ARFGEF3: variants seen among roughly 807,000 people sequenced by gnomAD.
ARFGEF3 encodes the protein ARFGEF family member 3.
Under a neutral mutation model 221.7 loss-of-function variants are expected in ARFGEF3, and 96 were observed. The observed-to-expected ratio is 0.43, with a 90% CI of 0.37 to 0.51. The LOEUF (loss-of-function observed/expected upper bound fraction) is 0.51. Ranked by LOEUF, ARFGEF3 falls within the 20% of genes least tolerant of loss-of-function variation. The pLI is 0.00. For missense variants in ARFGEF3, 2,410 were observed against 2,789.9 expected, an observed-to-expected ratio of 0.86 and a Z score of 3.07; for synonymous variants, 1,145 against 1,126.8, an observed-to-expected ratio of 1.02 and a Z score of -0.32.
chr6:138,229,714 A>G (rs1778154250), intron 4 of ARFGEF3, 70 bp from the exon 5 acceptor site: 2 of 1,194,130 alleles, frequency 1.7e-6, no homozygotes, highest in Non-Finnish European at 2.5e-6. Flanking sequence ...CACAAATGGC[A>G]TATGAAACAA....
Position 138,338,123 on chromosome 6 carries a change from A to T in ARFGEF3, c.*1637A>T, listed in dbSNP as rs1175620397. ...GAATCCATTTTTTTCCCAGTTCCAC[A>T]AAACACTCTGTTTGCCTTCAGTTTT... On this transcript the variant is annotated 3_prime_UTR_variant, in exon 34 of 34. Transcript: ENST00000251691. The T allele has an allele frequency of 1.3e-5, 2 of 152,254 alleles. No individual in the cohort carries two copies. Among genetic ancestry groups the T allele is most frequent in the Admixed American group, 1.3e-4 (2 of 15,290 alleles). 9.4% of individuals were successfully genotyped at this position (152,254 alleles called of 1,614,324 possible).
At chr6:138,243,365 T>C (rs1778428663) in intron 7 of ARFGEF3, among the ~76,000 whole-genome samples, 1 of 152,180 alleles carries the variant, frequency 6.6e-6, no homozygotes, top group African/African-American at 2.4e-5. Context: ...TACAGTGTTA[T>C]TGCACCAGAA....
chr6:138,238,587 C>A lies in ARFGEF3; in HGVS notation c.499C>A (p.Leu167Met). The change falls in exon 6 of 34, where the codon CTG (leucine) becomes ATG (methionine). Residue 167 changes from leucine to methionine, a missense_variant. Transcript: ENST00000251691. ...TAVRATLSQM[L>M]SDLTLQLRQR... is the part of the protein sequence containing the mutation. ...TGTGCGGGCAACTCTCAGTCAAATGCTGAGTGACTTGACTTTACAGTTACG... is the reference window on the plus strand; with the variant it reads ...TGTGCGGGCAACTCTCAGTCAAATGATGAGTGACTTGACTTTACAGTTACG... The A allele has an allele frequency of 1.9e-6, 3 of 1,613,726 alleles. No homozygotes were observed. The highest frequency in any genetic ancestry group is 2.5e-6 in the Non-Finnish European group (3 of 1,179,678).
chr6:138,180,989 A>G (rs1487972440), intron 2 of ARFGEF3, among the ~76,000 whole-genome samples: 1 of 152,154 alleles, frequency 6.6e-6, no homozygotes, highest in Admixed American at 6.5e-5. Context: ...TCCTTTTAAC[A>G]TAGTATAAGT....
At chr6:138,281,634 A>T (rs1779198652) in intron 14 of ARFGEF3, among the ~76,000 whole-genome samples, 1 of 152,258 alleles carries the variant, frequency 6.6e-6, no homozygotes, top group African/African-American at 2.4e-5. Flanking sequence ...GTTGCAACAA[A>T]GGACATGATT....
chr6:138,269,557 C>G (rs771226363), intron 12 of ARFGEF3, among the ~76,000 whole-genome samples: 1 of 152,130 alleles, frequency 6.6e-6, no homozygotes, highest in Non-Finnish European at 1.5e-5. Context: ...TGCCTGTAAT[C>G]CCAGCACTTT....
chr6:138,181,664 G>A (rs1026684345), intron 2 of ARFGEF3, among the ~76,000 whole-genome samples: 6 of 152,080 alleles, frequency 3.9e-5, no homozygotes, highest in South Asian at 2.1e-4. Context: ...GGCTGGTTTC[G>A]AACTCCTGGC....
At chr6:138,177,712 C>T (rs937732604) in intron 2 of ARFGEF3, among the ~76,000 whole-genome samples, 3 of 151,926 alleles carry the variant, frequency 2.0e-5, no homozygotes, top group South Asian at 2.1e-4. Context: ...AAAAGACCTG[C>T]CTTCAAGTTC....
chr6:138,239,070 A>G (rs1263481437), intron 6 of ARFGEF3, among the ~76,000 whole-genome samples: 1 of 152,208 alleles, frequency 6.6e-6, no homozygotes, highest in Non-Finnish European at 1.5e-5. Context: ...TGGGGCCTTC[A>G]GGGTGAAACT....
intron 17 of ARFGEF3, 144 bp from the exon 18 acceptor site, chr6:138,289,674 C>T (rs912356583): frequency 6.5e-5 from 53 of 815,518 alleles, no homozygotes; most frequent in Admixed American, 2.6e-4. Flanking sequence ...CATGATGGTC[C>T]GCAAGGACCT....
chr6:138,304,554 C>A (rs373762809), intron 22 of ARFGEF3, among the ~76,000 whole-genome samples: 16 of 152,218 alleles, frequency 1.1e-4, no homozygotes, highest in African/African-American at 3.4e-4. Flanking sequence ...GCTTAAAATT[C>A]TTTGGAAAAG....
In ARFGEF3 at chr6:138,334,547, G is replaced by C; in HGVS notation, c.5701G>C (p.Val1901Leu). ...CAGCAACGCAGATTGGGTGTGGCTG[G>C]TCAAGAGGCTGCACAAGCTGTGCAT... ...PVSNADWVWL[V>L]KRLHKLCMEL... is the part of the protein sequence containing the mutation. The change falls in exon 33 of 34, where the codon GTC (valine) becomes CTC (leucine). Residue 1901 changes from valine (V) to leucine (L), a missense_variant. Coordinates refer to ENST00000251691, the MANE Select transcript of ARFGEF3 (RefSeq NM_020340.5). The surrounding 1 kb of genome is among the most constrained non-coding windows in gnomAD (Gnocchi z 5.1). The C allele has an allele frequency of 6.2e-7, 1 of 1,613,492 alleles. No homozygotes were observed. Among genetic ancestry groups the C allele is most frequent in the Non-Finnish European group, 8.5e-7 (1 of 1,179,852 alleles).
intron 13 of ARFGEF3, 38 bp from the exon 14 acceptor site, chr6:138,279,961 G>T (rs1292814261): frequency 6.2e-7 from 1 of 1,605,870 alleles, no homozygotes; most frequent in Non-Finnish European, 8.5e-7. Context: ...AGTGAGCAGG[G>T]TGTTATGTGG....
chr6:138,200,357 G>T (rs868426163), intron 2 of ARFGEF3, among the ~76,000 whole-genome samples: 25 of 152,004 alleles, frequency 1.6e-4, no homozygotes, highest in Non-Finnish European at 4.4e-5. Context: ...AAAAGAGCCC[G>T]CATAGCCAAA....
At chr6:138,213,102 C>T (rs1440399649) in intron 4 of ARFGEF3, among the ~76,000 whole-genome samples, 2 of 151,992 alleles carry the variant, frequency 1.3e-5, no homozygotes, top group East Asian at 1.9e-4. Flanking sequence ...TCCTGGCTAA[C>T]ATGGTGAAAC....
intron 2 of ARFGEF3, among the ~76,000 whole-genome samples, chr6:138,172,488 A>G (rs1005058309): frequency 6.6e-6 from 1 of 152,232 alleles, no homozygotes. Context: ...ACAAAGAACT[A>G]TGAACATACT....
chr6:138,329,294 C>A (rs542866320), intron 32 of ARFGEF3, among the ~76,000 whole-genome samples: 2 of 152,278 alleles, frequency 1.3e-5, no homozygotes, highest in Admixed American at 6.5e-5. Context: ...TCCCATTTCA[C>A]CCCTGAGGGC....
intron 22 of ARFGEF3, among the ~76,000 whole-genome samples, chr6:138,300,660 A>G (rs77272703): frequency 6.6e-6 from 1 of 152,166 alleles, no homozygotes; most frequent in Non-Finnish European, 1.5e-5. Context: ...TCACAGCAAA[A>G]ACCGCAATTA....
intron 25 of ARFGEF3, among the ~76,000 whole-genome samples, chr6:138,312,717 G>A (rs1779851632): frequency 6.6e-6 from 1 of 150,550 alleles, no homozygotes; most frequent in Admixed American, 6.6e-5. Flanking sequence ...CCACTTTTTT[G>A]TTTGTTTGTT....
Sources: gnomAD v4.1 joint callset for allele counts (sites outside exome capture counted in the v4.1 genomes callset) on GRCh38, gnomAD v4.1.1 for gene constraint, Gnocchi (gnomAD v3.1) non-coding constraint, MANE v1.5 for transcripts, NCBI Gene and HGNC (gene_info 2026-07-23, HGNC 2026-07-21) for gene names.